The following TRIM24 variants were observed in gnomAD, a reference collection of about 807,000 sequenced individuals.
TRIM24 encodes the protein tripartite motif containing 24.
A neutral mutation model predicts 123.9 loss-of-function variants in TRIM24; 29 were observed. The observed-to-expected ratio is 0.23, with a 90% CI of 0.17 to 0.32. The LOEUF (loss-of-function observed/expected upper bound fraction) is 0.32. Ranked by LOEUF, TRIM24 falls within the 10% of genes least tolerant of loss-of-function variation. The pLI, the probability that TRIM24 is intolerant of heterozygous loss-of-function variation, is 1.00. For missense variants in TRIM24, 932 were observed against 1,295.3 expected, an observed-to-expected ratio of 0.72 and a Z score of 4.31; for synonymous variants, 456 against 461.1, an observed-to-expected ratio of 0.99 and a Z score of 0.14.
intron 13 of TRIM24, 104 bp from the exon 14 acceptor site, chr7:138,577,316 A>G (rs1390222659): frequency 1.1e-6 from 1 of 883,592 alleles, no homozygotes; most frequent in African/African-American, 1.7e-5. Flanking sequence ...TAACATACTT[A>G]TTGTTGTGAA....
At position 138,578,933 on chromosome 7, in the gene TRIM24, T is replaced by C. The variant is rs114338576; in HGVS notation, c.2257-271T>C. Among the ~76,000 whole-genome samples, 986 of 152,062 alleles carry C rather than the reference T, an allele frequency of 6.5e-3. 8 individuals are homozygous for C. Among genetic ancestry groups the C allele is most frequent in the African/African-American group, 0.023 (947 of 41,392 alleles). Reference sequence around the variant, plus strand: ...AGCTCCAGTGAGGTATATATATATATATATAGGTCATGTGGTTGACTTCCA... The same window carrying C: ...AGCTCCAGTGAGGTATATATATATACATATAGGTCATGTGGTTGACTTCCA... On this transcript the variant is annotated intron_variant, in intron 14 of 18. Coordinates refer to ENST00000343526, the MANE Select transcript of TRIM24 (RefSeq NM_015905.3).
At chr7:138,502,844 T>C (rs1028031363) in intron 1 of TRIM24, among the ~76,000 whole-genome samples, 1 of 152,236 alleles carries the variant, frequency 6.6e-6, no homozygotes, top group African/African-American at 2.4e-5. Context: ...TTTCACTAGC[T>C]GTAGTTCTGT....
intron 1 of TRIM24, among the ~76,000 whole-genome samples, chr7:138,500,097 T>C (rs1796003335): frequency 6.6e-6 from 1 of 152,182 alleles, no homozygotes; most frequent in African/African-American, 2.4e-5. Context: ...GTACATCTCT[T>C]TTGTGGAGCT....
intron 11 of TRIM24, among the ~76,000 whole-genome samples, chr7:138,573,149 G>A (rs977703815): frequency 1.3e-5 from 2 of 152,154 alleles, no homozygotes; most frequent in Admixed American, 1.3e-4. Flanking sequence ...AAAGAGATTC[G>A]CAAGAAATGT....
intron 12 of TRIM24, among the ~76,000 whole-genome samples, chr7:138,575,233 A>AT (rs1170384194): frequency 6.6e-6 from 1 of 152,204 alleles, no homozygotes; most frequent in Non-Finnish European, 1.5e-5. Context: ...AATGTTATAT[A>AT]TTTTTATAGT....
chr7:138,531,002 C>T (rs1349399443), intron 6 of TRIM24, among the ~76,000 whole-genome samples: 1 of 151,972 alleles, frequency 6.6e-6, no homozygotes, highest in African/African-American at 2.4e-5. Flanking sequence ...CACCCAGGCT[C>T]GAGTGTAGTG....
rs182847147 is a variant in TRIM24, at chr7:138,488,387, T to C, written c.365-15903T>C. Among the ~76,000 whole-genome samples the C allele has an allele frequency of 8.3e-3, 1,264 of 152,312 alleles. 15 individuals carry two copies. Among genetic ancestry groups the C allele is most frequent in the African/African-American group, 0.027 (1,109 of 41,560 alleles). ...ATCTTAGTTATTTCTTGCCTTCTGCTAGCTTTTGAATTTGTTTGCTCTTGC... is the reference window on the plus strand; with the variant it reads ...ATCTTAGTTATTTCTTGCCTTCTGCCAGCTTTTGAATTTGTTTGCTCTTGC... On this transcript the variant is annotated intron_variant, in intron 1 of 18. Transcript: ENST00000343526.
intron 9 of TRIM24, among the ~76,000 whole-genome samples, chr7:138,563,301 G>A (rs555524744): frequency 8.5e-5 from 13 of 152,192 alleles, no homozygotes; most frequent in African/African-American, 2.9e-4. Context: ...CATAGCCTCC[G>A]CCATTTTCTT....
intron 11 of TRIM24, among the ~76,000 whole-genome samples, chr7:138,573,220 A>G (rs1797691879): frequency 6.6e-6 from 1 of 152,328 alleles, no homozygotes; most frequent in East Asian, 1.9e-4. Flanking sequence ...TTTGTCGTTT[A>G]TAAGAATTTT....
chr7:138,548,874 A>G (rs961197096), intron 7 of TRIM24, among the ~76,000 whole-genome samples: 1 of 152,174 alleles, frequency 6.6e-6, no homozygotes, highest in Non-Finnish European at 1.5e-5. Context: ...TATCATCAAT[A>G]TCACTGTCTT....
chr7:138,470,271 T>C (rs1347385190), intron 1 of TRIM24, among the ~76,000 whole-genome samples: 9 of 151,582 alleles, frequency 5.9e-5, no homozygotes, highest in Admixed American at 5.9e-4. Flanking sequence ...GCTGGGAGCA[T>C]AGGCGTGTGC....
chr7:138,537,375 G>GTT (rs1388530445), intron 6 of TRIM24, among the ~76,000 whole-genome samples: 60 of 26,236 alleles, frequency 2.3e-3, no homozygotes, highest in African/African-American at 5.0e-3. Flanking sequence ...CGCCACCCCT[G>GTT]TTTGTTTTTT....
Position 138,460,592 on chromosome 7 carries a change from C to A in TRIM24, c.44C>A (p.Ala15Asp). 1 of 1,325,540 alleles carries A rather than the reference C, an allele frequency of 7.5e-7. No individual in the cohort carries two copies. The highest frequency in any genetic ancestry group is 9.5e-7 in the Non-Finnish European group (1 of 1,048,132). 82.1% of individuals were successfully genotyped at this position (1,325,540 alleles called of 1,614,324 possible). A position where few individuals can be genotyped will look rare whatever the true frequency, so the allele number is the denominator to read the frequency against. Residue 15 changes from alanine (A) to aspartate (D), a missense_variant, in exon 1 of 19, where the codon GCC (alanine) becomes GAC (aspartate). Physicochemically the swap from Ala to Asp is moderately radical, Grantham distance 126 (BLOSUM62 -2). Transcript: ENST00000343526. ...VEKAVAAAAAASAAASGGPSA... is the reference protein window; with the variant it reads ...VEKAVAAAAADSAAASGGPSA... ...AAGGCGGTGGCGGCGGCGGCAGCGG[C>A]CTCGGCTGCGGCCTCCGGGGGGCCC...
chr7:138,484,383 A>G (rs1212391844), intron 1 of TRIM24, among the ~76,000 whole-genome samples: 1 of 150,852 alleles, frequency 6.6e-6, no homozygotes, highest in Non-Finnish European at 1.5e-5. Flanking sequence ...TACTGGGATT[A>G]TAGGCATGAG....
chr7:138,554,337 AG>A lies in TRIM24; in HGVS notation c.1262-360del, dbSNP rs1797273402. On this transcript the variant is annotated intron_variant, in intron 8 of 18. Coordinates refer to ENST00000343526, the MANE Select transcript of TRIM24 (RefSeq NM_015905.3). This position sits in a 1 kb window ranked among gnomAD's most constrained non-coding sequence, Gnocchi z 4.5. ...GTGCAGAAACAGATAATGTGATTTCAGCTATTAAGCCAGACATTCAAACAGA... is the reference window on the plus strand; with the variant it reads ...GTGCAGAAACAGATAATGTGATTTCACTATTAAGCCAGACATTCAAACAGA... 6.6e-6 allele frequency among the ~76,000 whole-genome samples: 1 copy of A among 152,252 alleles called. No individual in the cohort carries two copies. The highest frequency in any genetic ancestry group is 1.5e-5 in the Non-Finnish European group (1 of 68,038).
At chr7:138,461,769 C>T (rs992175277) in intron 1 of TRIM24, among the ~76,000 whole-genome samples, 2 of 152,070 alleles carry the variant, frequency 1.3e-5, no homozygotes, top group African/African-American at 4.8e-5. Context: ...TTTATTATTG[C>T]AAATATTTGA....
At position 138,586,337 on chromosome 7, in the gene TRIM24, G is replaced by T. The variant is rs1798019121; in HGVS notation, c.*1386G>T. The stretch of plus-strand genomic sequence containing the variant: ...ATGATAGAATAAAAAGAGCTCACTT[G>T]AAAGAAGGCTATTATTTGCATTATA... On this transcript the variant is annotated 3_prime_UTR_variant, in exon 19 of 19. Coordinates refer to ENST00000343526, the MANE Select transcript of TRIM24 (RefSeq NM_015905.3). 6.5e-6 allele frequency: 1 copy of T among 154,848 alleles called. No individual in the cohort carries two copies. The highest frequency in any genetic ancestry group is 1.4e-5 in the Non-Finnish European group (1 of 69,662). 9.6% of individuals were successfully genotyped at this position (154,848 alleles called of 1,614,324 possible). A position where few individuals can be genotyped will look rare whatever the true frequency, so the allele number is the denominator to read the frequency against.
At chr7:138,470,919 G>T (rs560542190) in intron 1 of TRIM24, among the ~76,000 whole-genome samples, 8 of 152,274 alleles carry the variant, frequency 5.3e-5, no homozygotes, top group African/African-American at 1.7e-4. Context: ...TAAATTATTT[G>T]AATCTTAGAA....
intron 1 of TRIM24, among the ~76,000 whole-genome samples, chr7:138,495,324 T>C (rs1584699199): frequency 2.6e-5 from 4 of 152,284 alleles, no homozygotes; most frequent in Admixed American, 2.6e-4. Context: ...ATGTATCGAA[T>C]TGGCAACATA....
Sources: allele counts gnomAD v4.1 joint callset (sites outside exome capture counted in the v4.1 genomes callset), GRCh38; gene constraint gnomAD v4.1.1; non-coding constraint Gnocchi (gnomAD v3.1); transcripts MANE v1.5; gene names NCBI Gene and HGNC (gene_info 2026-07-23, HGNC 2026-07-21).